The following ADGRD1 variants were observed in gnomAD, a reference collection of about 807,000 sequenced individuals.
ADGRD1 encodes the protein G-protein coupled receptor 133.
Under a neutral mutation model 113.4 loss-of-function variants are expected in ADGRD1, and 77 were observed. That is an observed-to-expected ratio of 0.68 (90% confidence interval 0.57 to 0.82). The LOEUF is 0.82. Among genes scored for constraint, ADGRD1 ranks in the 40% least tolerant of loss-of-function variants. The probability of loss-of-function intolerance (pLI) is 0.00; values close to 1 mark genes in which losing one functional copy is unlikely to be tolerated. For synonymous variants in ADGRD1, 474 were observed against 475.0 expected, an observed-to-expected ratio of 1.00 and a Z score of 0.03; for missense variants, 1,036 against 1,139.1, an observed-to-expected ratio of 0.91 and a Z score of 1.30.
intron 21 of ADGRD1, among the ~76,000 whole-genome samples, chr12:131,133,977 A>AC (rs1450333334): frequency 6.6e-6 from 1 of 151,954 alleles, no homozygotes; most frequent in Non-Finnish European, 1.5e-5. Flanking sequence ...CTTCCCTGCC[A>AC]CCCCCCTACC....
At chr12:130,968,940 C>A in intron 3 of ADGRD1, 2 of 1,210,822 alleles carry the variant, frequency 1.7e-6, no homozygotes, top group South Asian at 1.3e-5. Context: ...TTGTCTCACT[C>A]ACTTGCTGTG....
chr12:131,022,177 A>G lies in ADGRD1; in HGVS notation c.1473+7837A>G, dbSNP rs191176945. 6.6e-6 allele frequency among the ~76,000 whole-genome samples: 1 copy of G among 152,146 alleles called. No individual in the cohort carries two copies. Among genetic ancestry groups the G allele is most frequent in the African/African-American group, 2.4e-5 (1 of 41,438 alleles). ...TAGTGGGGAGCAATTCGGCTCCAGC[A>G]TAGCAAATATGGGATGTGAATGCTC... On this transcript the variant is annotated intron_variant, in intron 13 of 24. Coordinates refer to ENST00000261654, the MANE Select transcript of ADGRD1 (RefSeq NM_198827.5). The surrounding 1 kb of genome is among the most constrained non-coding windows in gnomAD (Gnocchi z 4.6).
intron 20 of ADGRD1, among the ~76,000 whole-genome samples, chr12:131,126,961 A>T (rs1950750016): frequency 6.6e-6 from 1 of 152,106 alleles, no homozygotes; most frequent in Admixed American, 6.6e-5. Flanking sequence ...GAAATGTCAG[A>T]TTTGTGCCAC....
intron 3 of ADGRD1, chr12:130,970,243 T>C (rs943514018): frequency 2.6e-5 from 4 of 152,200 alleles, no homozygotes; most frequent in African/African-American, 9.7e-5. Flanking sequence ...TCTTACCCTG[T>C]GATCCTTTTC....
chr12:131,082,888 T>A (rs552034985), intron 14 of ADGRD1, among the ~76,000 whole-genome samples: 1 of 152,312 alleles, frequency 6.6e-6, no homozygotes, highest in Non-Finnish European at 1.5e-5. Flanking sequence ...AAATCACCAC[T>A]GAACTGCTGT....
intron 13 of ADGRD1, among the ~76,000 whole-genome samples, chr12:131,031,531 G>C (rs1030639838): frequency 2.0e-5 from 3 of 152,108 alleles, no homozygotes; most frequent in African/African-American, 7.2e-5. Flanking sequence ...TGCGTTTGTC[G>C]GTGGTTTTCC....
At chr12:131,039,465 T>C (rs1881891503) in intron 13 of ADGRD1, among the ~76,000 whole-genome samples, 1 of 152,242 alleles carries the variant, frequency 6.6e-6, no homozygotes, top group South Asian at 2.1e-4. Flanking sequence ...TCACACAGAG[T>C]TCACGATGGC....
chr12:131,079,800 G>A (rs945306887), intron 14 of ADGRD1, among the ~76,000 whole-genome samples: 1 of 152,104 alleles, frequency 6.6e-6, no homozygotes, highest in Non-Finnish European at 1.5e-5. Flanking sequence ...CCTTTTTCAT[G>A]CCTGAAGGGT....
intron 2 of ADGRD1, among the ~76,000 whole-genome samples, chr12:130,961,829 A>T (rs1022577387): frequency 1.6e-4 from 25 of 151,780 alleles, no homozygotes; most frequent in African/African-American, 5.1e-4. Flanking sequence ...ATTTTGCTTT[A>T]AAAAAAAATC....
intron 13 of ADGRD1, among the ~76,000 whole-genome samples, chr12:131,032,701 C>T (rs925814607): frequency 3.6e-5 from 5 of 137,916 alleles, no homozygotes; most frequent in African/African-American, 1.7e-4. Context: ...TTAGAGAAAT[C>T]GCCACCCCAT....
At chr12:131,052,372 T>G (rs1186238470) in intron 13 of ADGRD1, among the ~76,000 whole-genome samples, 1 of 152,196 alleles carries the variant, frequency 6.6e-6, no homozygotes, top group Non-Finnish European at 1.5e-5. Context: ...TCACCATCAC[T>G]TCTCGTCTTC....
chr12:131,064,727 C>T (rs567198237), intron 13 of ADGRD1, among the ~76,000 whole-genome samples: 6 of 152,326 alleles, frequency 3.9e-5, no homozygotes, highest in South Asian at 4.1e-4. Flanking sequence ...AAGACCCTTT[C>T]GCTACTCAAG....
At chr12:130,968,971 A>G in intron 3 of ADGRD1, 1 of 1,516,410 alleles carries the variant, frequency 6.6e-7, no homozygotes, top group Non-Finnish European at 8.9e-7. Flanking sequence ...TTGTTGTTTC[A>G]CCCAGCGTCC....
At chr12:130,987,431 T>TC in intron 6 of ADGRD1, 82 bp downstream of exon 6, 1 of 1,526,356 alleles carries the variant, frequency 6.6e-7, no homozygotes. Context: ...CTCCCCACTC[T>TC]CCCGTTGCAG....
intron 12 of ADGRD1, among the ~76,000 whole-genome samples, chr12:131,007,449 G>T (rs1487199986): frequency 6.6e-6 from 1 of 152,222 alleles, no homozygotes; most frequent in Non-Finnish European, 1.5e-5. Context: ...GCAGGGATGG[G>T]CAGAGGAGAG....
intron 20 of ADGRD1, among the ~76,000 whole-genome samples, chr12:131,123,097 C>T (rs1224664706): frequency 8.7e-6 from 1 of 115,242 alleles, no homozygotes; most frequent in Admixed American, 1.2e-4. Context: ...CGCTCTGTCG[C>T]CCAGGCTGGA....
chr12:130,956,294 T>C (rs1869571423), intron 2 of ADGRD1: 1 of 152,230 alleles, frequency 6.6e-6, no homozygotes, highest in Non-Finnish European at 1.5e-5. Context: ...GTTCCAGGCA[T>C]CGTCGCCTCG....
chr12:131,032,609 C>T (rs926588348), intron 13 of ADGRD1, among the ~76,000 whole-genome samples: 2 of 152,228 alleles, frequency 1.3e-5, no homozygotes, highest in African/African-American at 2.4e-5. Context: ...TCCAGGGCCC[C>T]TCTGCTTCCT....
chr12:131,038,772 G>A (rs922359546), intron 13 of ADGRD1, among the ~76,000 whole-genome samples: 10 of 152,218 alleles, frequency 6.6e-5, no homozygotes, highest in African/African-American at 2.4e-4. Flanking sequence ...AGGGTCAGAA[G>A]CAAACCTGAT....
Sources: gnomAD v4.1 joint callset for allele counts (sites outside exome capture counted in the v4.1 genomes callset) on GRCh38, gnomAD v4.1.1 for gene constraint, Gnocchi (gnomAD v3.1) non-coding constraint, MANE v1.5 for transcripts, NCBI Gene and HGNC (gene_info 2026-07-23, HGNC 2026-07-21) for gene names.